The following PBRM1 variants were observed in gnomAD, a reference collection of about 807,000 sequenced individuals.
The protein encoded by PBRM1 is polybromo 1.
Under a neutral mutation model 194.5 loss-of-function variants are expected in PBRM1, and 27 were observed. The observed-to-expected ratio is 0.14, with a 90% CI of 0.10 to 0.19. The LOEUF (loss-of-function observed/expected upper bound fraction) is 0.19, where lower values mean the gene tolerates loss of function less well. Ranked by LOEUF, PBRM1 falls within the 10% of genes least tolerant of loss-of-function variation. PBRM1 has a pLI of 1.00. For synonymous variants in PBRM1, 655 were observed against 693.2 expected (o/e 0.94, Z 0.87); for missense variants, 1,466 against 2,077.2 (o/e 0.71, Z 5.72).
intron 7 of PBRM1, among the ~76,000 whole-genome samples, chr3:52,647,453 A>AAAAT (rs2096342071): frequency 1.6e-5 from 1 of 63,626 alleles, no homozygotes; most frequent in African/African-American, 6.5e-5. Flanking sequence ...AAAAAAAAAA[A>AAAAT]AAAAATATAT....
At chr3:52,641,384 T>A (rs1403419724) in intron 10 of PBRM1, among the ~76,000 whole-genome samples, 1 of 147,058 alleles carries the variant, frequency 6.8e-6, no homozygotes. Context: ...CAGGCGGACG[T>A]TGCAGTGAGC....
intron 20 of PBRM1, among the ~76,000 whole-genome samples, chr3:52,583,656 T>C (rs890697181): frequency 6.6e-6 from 1 of 152,198 alleles, no homozygotes. Flanking sequence ...TTAGAAACAG[T>C]AACCCTAGAC....
intron 13 of PBRM1, chr3:52,624,902 T>A: frequency 6.5e-7 from 1 of 1,543,416 alleles, no homozygotes; most frequent in Admixed American, 2.0e-5. Flanking sequence ...CACACCTGGA[T>A]AGCCTCCTGA....
At chr3:52,642,553 T>G (rs1577366067) in intron 9 of PBRM1, among the ~76,000 whole-genome samples, 1 of 147,182 alleles carries the variant, frequency 6.8e-6, no homozygotes, top group Admixed American at 7.0e-5. Flanking sequence ...GAGGCAGAGG[T>G]TGCAGAGATT....
At chr3:52,630,043 T>C (rs926753032) in intron 11 of PBRM1, among the ~76,000 whole-genome samples, 2 of 152,196 alleles carry the variant, frequency 1.3e-5, no homozygotes, top group African/African-American at 4.8e-5. Flanking sequence ...AGCTAGCACC[T>C]AGAGTTCAAA....
At chr3:52,625,650 C>T (rs1310681793) in intron 13 of PBRM1, among the ~76,000 whole-genome samples, 2 of 151,590 alleles carry the variant, frequency 1.3e-5, no homozygotes. Flanking sequence ...TCTCGGCTCA[C>T]TGCAACCTCC....
At chr3:52,657,334 A>C (rs1193252722) in intron 5 of PBRM1, among the ~76,000 whole-genome samples, 1 of 152,244 alleles carries the variant, frequency 6.6e-6, no homozygotes, top group Non-Finnish European at 1.5e-5. Context: ...ACAAATAAAA[A>C]TAATTACCAA....
chr3:52,559,846 T>TAA lies in PBRM1; in HGVS notation c.4289-1435_4289-1434dup, dbSNP rs34203062. 1.8e-3 allele frequency among the ~76,000 whole-genome samples: 229 copies of TAA among 125,134 alleles called. 1 individual carries two copies. Among genetic ancestry groups the TAA allele is most frequent in the Non-Finnish European group, 2.4e-3 (144 of 60,820 alleles). 82.1% of individuals were successfully genotyped at this position (125,134 alleles called of 152,430 possible). A position where few individuals can be genotyped will look rare whatever the true frequency, so the allele number is the denominator to read the frequency against. On this transcript the variant is annotated intron_variant, in intron 25 of 29. Transcript: ENST00000296302. ...ACAAACTATTTACTTGAGCTAGCAG[T>TAA]AAAAAAAAAAAAAAAAATCGACCTA...
At chr3:52,628,434 A>G (rs1017445282) in intron 12 of PBRM1, among the ~76,000 whole-genome samples, 1 of 147,500 alleles carries the variant, frequency 6.8e-6, no homozygotes, top group Non-Finnish European at 1.5e-5. Flanking sequence ...ATACATAAGT[A>G]TAATATATAA....
chr3:52,617,838 A>T (rs1384636143), intron 13 of PBRM1, among the ~76,000 whole-genome samples: 2 of 152,236 alleles, frequency 1.3e-5, no homozygotes, highest in African/African-American at 2.4e-5. Flanking sequence ...ACCAAAAGAA[A>T]ATGAAATTAT....
intron 15 of PBRM1, among the ~76,000 whole-genome samples, chr3:52,615,100 A>C (rs752240495): frequency 2.0e-5 from 3 of 152,184 alleles, no homozygotes; most frequent in Non-Finnish European, 2.9e-5. Context: ...TACTATTTAA[A>C]ATTTACAAAA....
At chr3:52,574,876 TGTA>T in intron 22 of PBRM1, among the ~76,000 whole-genome samples, 1 of 152,330 alleles carries the variant, frequency 6.6e-6, no homozygotes, top group Middle Eastern at 3.4e-3. Context: ...GAACAGAGAC[TGTA>T]GTAACCATAT....
At chr3:52,607,682 CAG>C (rs1219068844) in intron 16 of PBRM1, among the ~76,000 whole-genome samples, 2 of 152,160 alleles carry the variant, frequency 1.3e-5, no homozygotes, top group African/African-American at 2.4e-5. Flanking sequence ...TACATGAAAG[CAG>C]AGTTTGTTTT....
At chr3:52,616,758 G>T (rs578170835) in intron 14 of PBRM1, among the ~76,000 whole-genome samples, 1 of 152,196 alleles carries the variant, frequency 6.6e-6, no homozygotes, top group African/African-American at 2.4e-5. Context: ...ACATTTATGG[G>T]ACTATCATGC....
intron 10 of PBRM1, among the ~76,000 whole-genome samples, chr3:52,639,589 T>C (rs554017485): frequency 9.9e-5 from 15 of 151,976 alleles, no homozygotes; most frequent in Non-Finnish European, 1.9e-4. Flanking sequence ...TAGAATTAGC[T>C]GGGTGTGGTG....
rs1169714838 is a variant in PBRM1 at position 52,642,061 on chromosome 3, AAG to A, written c.996-18_996-17del. On this transcript the variant is annotated splice_polypyrimidine_tract_variant and intron_variant, in intron 9 of 29. Coordinates refer to ENST00000296302, the Ensembl canonical transcript of PBRM1. ...TCTTTTATTACTACAAAAAAAAAAA[AAG>A]CAATTAGACAGGGAAGGATGTTATA... 1.5e-5 allele frequency: 19 copies of A among 1,292,538 alleles called. No individual in the cohort carries two copies. The highest frequency in any genetic ancestry group is 1.9e-5 in the Non-Finnish European group (17 of 892,620). 80.1% of individuals were successfully genotyped at this position (1,292,538 alleles called of 1,614,324 possible).
At chr3:52,629,820 A>G (rs1408995109) in intron 11 of PBRM1, among the ~76,000 whole-genome samples, 1 of 152,266 alleles carries the variant, frequency 6.6e-6, no homozygotes, top group Non-Finnish European at 1.5e-5. Context: ...CATCAAAATC[A>G]CAAAGACAGT....
intron 12 of PBRM1, 26 bp downstream of exon 13, chr3:52,628,868 A>G (rs1367335755): frequency 6.2e-7 from 1 of 1,608,980 alleles, no homozygotes; most frequent in East Asian, 2.2e-5. Context: ...ATATACAACA[A>G]ACTCAGCAAA....
intron 22 of PBRM1, among the ~76,000 whole-genome samples, chr3:52,567,132 C>T (rs573437525): frequency 6.8e-6 from 1 of 146,996 alleles, no homozygotes; most frequent in South Asian, 2.2e-4. Context: ...CAATAAAAAA[C>T]TCCCATAAAT....
Sources: allele counts gnomAD v4.1 joint callset (sites outside exome capture counted in the v4.1 genomes callset), GRCh38; gene constraint gnomAD v4.1.1; transcripts MANE v1.5; gene names NCBI Gene and HGNC (gene_info 2026-07-23, HGNC 2026-07-21).